SDK1: variants seen among roughly 807,000 people sequenced by gnomAD.
SDK1 encodes protein sidekick-1.
In SDK1, 157 loss-of-function variants were observed where a neutral mutation model predicts 245.5. The observed-to-expected ratio is 0.64, with a 90% CI of 0.56 to 0.73. The LOEUF is 0.73. SDK1 is among the 30% of genes least tolerant of loss of function. The probability of loss-of-function intolerance (pLI) is 0.00; values close to 1 mark genes in which losing one functional copy is unlikely to be tolerated. For missense variants in SDK1, 3,583 were observed against 3,002.3 expected (o/e 1.19, Z -4.52); for synonymous variants, 1,647 against 1,278.5 (o/e 1.29, Z -6.15).
intron 1 of SDK1, among the ~76,000 whole-genome samples, chr7:3,578,403 T>C (rs553700696): frequency 6.6e-5 from 10 of 152,148 alleles, no homozygotes; most frequent in Non-Finnish European, 1.3e-4. Flanking sequence ...ACAGAACTAC[T>C]GATAAGGGTC....
chr7:4,155,021 C>G (rs1281841245), intron 30 of SDK1, among the ~76,000 whole-genome samples: 1 of 151,834 alleles, frequency 6.6e-6, no homozygotes, highest in Non-Finnish European at 1.5e-5. Flanking sequence ...TCCACAGGAG[C>G]AGCGCTGCAG....
At chr7:3,972,731 G>T (rs898351577) in intron 12 of SDK1, among the ~76,000 whole-genome samples, 3 of 152,312 alleles carry the variant, frequency 2.0e-5, no homozygotes, top group East Asian at 1.9e-4. Flanking sequence ...GCAGCGGGAC[G>T]CGGAGACTCG....
intron 4 of SDK1, among the ~76,000 whole-genome samples, chr7:3,802,423 T>C (rs1779129795): frequency 1.3e-5 from 2 of 152,048 alleles, no homozygotes; most frequent in Admixed American, 6.6e-5. Flanking sequence ...TAGTCCCAGC[T>C]ACTCAGCAGG....
chr7:3,523,420 A>G (rs1230853467), intron 1 of SDK1, among the ~76,000 whole-genome samples: 1 of 152,176 alleles, frequency 6.6e-6, no homozygotes, highest in African/African-American at 2.4e-5. Context: ...CAGCGAGAGC[A>G]TGCAAACATT....
intron 19 of SDK1, among the ~76,000 whole-genome samples, chr7:4,062,200 A>C (rs1166407683): frequency 6.6e-6 from 1 of 152,194 alleles, no homozygotes; most frequent in African/African-American, 2.4e-5. Context: ...ACACAAAATC[A>C]ATAAACTGCT....
In SDK1 at chr7:3,645,674, G is replaced by C. The variant is rs190582769; in HGVS notation, c.713+3569G>C. Among the ~76,000 whole-genome samples the C allele has an allele frequency of 2.7e-3, 407 of 152,192 alleles. 2 individuals carry two copies. The highest frequency in any genetic ancestry group is 5.8e-3 in the Admixed American group (88 of 15,278). ...TATATTGCTTTCCATGTCTAAGAAA[G>C]TACAGTTTTTGACTGAAGATGGGAG... On this transcript the variant is annotated intron_variant, in intron 4 of 44. Transcript: ENST00000404826.
Position 3,673,563 on chromosome 7 carries a change from A to G in SDK1, c.713+31458A>G, listed in dbSNP as rs373690568. On this transcript the variant is annotated intron_variant, in intron 4 of 44. Transcript: ENST00000404826. Reference sequence around the variant, plus strand: ...CGGCCTGTTATTACATGAGTTTATTAACATTCACTGTGAGATGCCTTGGTA... The same window carrying G: ...CGGCCTGTTATTACATGAGTTTATTGACATTCACTGTGAGATGCCTTGGTA... 1.5e-3 allele frequency among the ~76,000 whole-genome samples: 236 copies of G among 152,344 alleles called. 1 individual carries two copies. Among genetic ancestry groups the G allele is most frequent in the African/African-American group, 5.5e-3 (230 of 41,588 alleles).
intron 1 of SDK1, among the ~76,000 whole-genome samples, chr7:3,397,623 A>G (rs1412346409): frequency 2.6e-5 from 4 of 151,866 alleles, no homozygotes; most frequent in African/African-American, 4.8e-5. Flanking sequence ...TCTGTCTTTG[A>G]ACATTTTGTC....
chr7:3,504,939 C>T (rs1037693168), intron 1 of SDK1, among the ~76,000 whole-genome samples: 1 of 152,030 alleles, frequency 6.6e-6, no homozygotes. Context: ...AACATAAATC[C>T]CTGCAAAAAC....
intron 4 of SDK1, among the ~76,000 whole-genome samples, chr7:3,768,397 C>T (rs1259967485): frequency 6.6e-6 from 1 of 152,182 alleles, no homozygotes; most frequent in Non-Finnish European, 1.5e-5. Flanking sequence ...GCATTATCAT[C>T]TTGAACCTTA....
chr7:4,098,506 G>A (rs10240423), intron 22 of SDK1, among the ~76,000 whole-genome samples: 56,715 of 151,946 alleles, frequency 0.37, 14,996 homozygotes, highest in African/African-American at 0.75. Flanking sequence ...TCACCCAGCA[G>A]ACACTTATTA....
intron 4 of SDK1, among the ~76,000 whole-genome samples, chr7:3,680,209 G>A (rs1055381424): frequency 1.3e-5 from 2 of 152,186 alleles, no homozygotes; most frequent in South Asian, 2.1e-4. Flanking sequence ...GCTTTAGACT[G>A]TGTGAGTCCA....
chr7:4,260,639 C>G (rs1430811484), intron 44 of SDK1, among the ~76,000 whole-genome samples: 1 of 147,826 alleles, frequency 6.8e-6, no homozygotes, highest in Non-Finnish European at 1.5e-5. Flanking sequence ...GCTGGCTGCT[C>G]CGGGGTCTCT....
intron 1 of SDK1, among the ~76,000 whole-genome samples, chr7:3,539,361 G>C (rs548484084): frequency 4.1e-4 from 63 of 152,344 alleles, no homozygotes; most frequent in African/African-American, 1.3e-3. Context: ...TAGATAGACA[G>C]AGCTTAAAAC....
At chr7:3,994,950 C>G (rs988591414) in intron 14 of SDK1, among the ~76,000 whole-genome samples, 2 of 152,148 alleles carry the variant, frequency 1.3e-5, no homozygotes, top group Non-Finnish European at 2.9e-5. Flanking sequence ...AGAGAACCCA[C>G]CGCTGGGGCT....
chr7:3,762,014 C>G (rs774860993), intron 4 of SDK1, among the ~76,000 whole-genome samples: 3 of 152,174 alleles, frequency 2.0e-5, no homozygotes, highest in Non-Finnish European at 4.4e-5. Flanking sequence ...CACAAACTAT[C>G]AGCAGATGAC....
At chr7:3,560,214 G>A (rs890983894) in intron 1 of SDK1, among the ~76,000 whole-genome samples, 13 of 152,094 alleles carry the variant, frequency 8.5e-5, no homozygotes, top group African/African-American at 2.2e-4. Flanking sequence ...ATACCCTAGC[G>A]TATCTTTAGA....
At chr7:3,682,522 A>AAGTGT in intron 4 of SDK1, among the ~76,000 whole-genome samples, 1 of 152,294 alleles carries the variant, frequency 6.6e-6, no homozygotes, top group Non-Finnish European at 1.5e-5. Context: ...GTCAGAACTC[A>AAGTGT]CGTGTCTGCT....
intron 1 of SDK1, among the ~76,000 whole-genome samples, chr7:3,527,235 T>C (rs1783168720): frequency 2.6e-5 from 4 of 152,248 alleles, no homozygotes; most frequent in African/African-American, 7.2e-5. Context: ...ATGGGAATGC[T>C]ATGGTAAATA....
Sources: gnomAD v4.1 joint callset for allele counts (sites outside exome capture counted in the v4.1 genomes callset) on GRCh38, gnomAD v4.1.1 for gene constraint, MANE v1.5 for transcripts, NCBI Gene and HGNC (gene_info 2026-07-23, HGNC 2026-07-21) for gene names.